Variants in PC observed in about 807,000 individuals in gnomAD.
The protein encoded by PC is pyruvate carboxylase.
In PC, 46 loss-of-function variants were observed where a neutral mutation model predicts 107.8. The observed-to-expected ratio is 0.43, with a 90% CI of 0.34 to 0.55. The LOEUF (loss-of-function observed/expected upper bound fraction) is 0.55, where lower values mean the gene tolerates loss of function less well. Among genes scored for constraint, PC ranks in the 20% least tolerant of loss-of-function variants. The pLI is 0.04. For synonymous variants in PC, 662 were observed against 684.7 expected, an observed-to-expected ratio of 0.97 and a Z score of 0.52; for missense variants, 1,241 against 1,643.1, an observed-to-expected ratio of 0.76 and a Z score of 4.23.
At chr11:66,860,123 T>TGG in intron 12 of PC, 1 of 1,550,512 alleles carries the variant, frequency 6.4e-7, no homozygotes, top group Non-Finnish European at 8.7e-7. Context: ...ACTCTGTGCA[T>TGG]GGGGGGCTGC....
At position 66,871,534 on chromosome 11, in the gene PC, C is replaced by G; in HGVS notation, c.322-54G>C. 1.2e-6 allele frequency: 2 copies of G among 1,607,496 alleles called. No individual in the cohort carries two copies. Among genetic ancestry groups the G allele is most frequent in the African/African-American group, 1.3e-5 (1 of 74,974 alleles). ...TACCTTGCAGTCCCTTCCAAGGCCT[C>G]GGCCAGCCTCTTCCCCTGCCTAACC... On this transcript the variant is annotated intron_variant, in intron 5 of 22. Transcript: ENST00000393960. The surrounding 1 kb of genome is among the most constrained non-coding windows in gnomAD (Gnocchi z 7.4).
At chr11:66,923,015 G>A (rs79351784) in intron 3 of PC, among the ~76,000 whole-genome samples, 20,166 of 152,188 alleles carry the variant, frequency 0.13, 1,506 homozygotes, top group East Asian at 0.23. Context: ...ATCTTGAGGC[G>A]TGCTGAGCAA....
chr11:66,860,082 C>T lies in PC; in HGVS notation c.1368+3692G>A, dbSNP rs752948456. The T allele has an allele frequency of 9.0e-6, 14 of 1,556,176 alleles. No individual in the cohort carries two copies. In the Admixed American group the frequency reaches 1.4e-4, roughly 15 times the overall value. On this transcript the variant is annotated intron_variant, in intron 12 of 22. Transcript: ENST00000393960. ...TGCCGGGTGCTACGGTTATGCCAGG[C>T]GCCTGGGAGGAGCTTGGGCCCGACG...
chr11:66,920,542 A>C (rs1948569248), intron 3 of PC, among the ~76,000 whole-genome samples: 1 of 152,052 alleles, frequency 6.6e-6, no homozygotes, highest in Admixed American at 6.5e-5. Flanking sequence ...ACCTGTTTGG[A>C]GCATCAGAGA....
intron 12 of PC, chr11:66,859,850 C>T (rs777373948): frequency 2.1e-5 from 33 of 1,565,746 alleles, no homozygotes; most frequent in South Asian, 1.1e-4. Context: ...TGACCGTGGC[C>T]GTGGGGGGTG....
At chr11:66,888,020 G>C (rs1947436038) in intron 3 of PC, among the ~76,000 whole-genome samples, 1 of 152,190 alleles carries the variant, frequency 6.6e-6, no homozygotes. Flanking sequence ...CCTCAGCATA[G>C]GTCTCTGTCC....
intron 3 of PC, among the ~76,000 whole-genome samples, chr11:66,910,446 T>A (rs1466129819): frequency 6.6e-6 from 1 of 152,218 alleles, no homozygotes; most frequent in African/African-American, 2.4e-5. Context: ...ATGACTTCTA[T>A]GGAGCAAGAC....
At chr11:66,938,685 G>T (rs1271032406) in intron 3 of PC, among the ~76,000 whole-genome samples, 1 of 152,012 alleles carries the variant, frequency 6.6e-6, no homozygotes, top group Non-Finnish European at 1.5e-5. Flanking sequence ...AACAAAAAAT[G>T]AGATATTATA....
chr11:66,905,319 C>T (rs959208501), intron 3 of PC, among the ~76,000 whole-genome samples: 3 of 152,198 alleles, frequency 2.0e-5, no homozygotes, highest in South Asian at 2.1e-4. Flanking sequence ...AGGGTGCCAA[C>T]GCCTGCTGTG....
chr11:66,950,276 T>C (rs1459804785), intron 3 of PC, among the ~76,000 whole-genome samples: 4 of 152,172 alleles, frequency 2.6e-5, no homozygotes, highest in Non-Finnish European at 4.4e-5. Context: ...CTCGTTGTGA[T>C]GTCATGGTGG....
chr11:66,871,782 G>A lies in PC; in HGVS notation c.226C>T (p.His76Tyr). ...IYSEQDTGQM[H>Y]RQKADEAYLI... ...TAGGCTTCATCTGCTTTCTGCCGGT[G>A]CATCTGGCCCGTGTCCTGCTCAGAG... Residue 76 changes from histidine to tyrosine, a missense_variant, in exon 5 of 23, where the codon CAC (histidine) becomes TAC (tyrosine). Transcript: ENST00000393960. The surrounding 1 kb of genome is among the most constrained non-coding windows in gnomAD (Gnocchi z 7.4). 6.2e-7 allele frequency: 1 copy of A among 1,604,590 alleles called. No individual in the cohort carries two copies. The highest frequency in any genetic ancestry group is 1.7e-4 in the Middle Eastern group (1 of 6,056).
rs974491018 is a variant in PC, at chr11:66,852,693, G to A, written c.1604-33C>T. On this transcript the variant is annotated intron_variant, in intron 14 of 22. Transcript: ENST00000393960. This position sits in a 1 kb window ranked among gnomAD's most constrained non-coding sequence, Gnocchi z 4.7. ...AGACAGGGGCATTGGTGCCCATCCT[G>A]CAGGTGGCAACCTCCTGTCTCCCCC... The A allele has an allele frequency of 1.2e-6, 2 of 1,610,582 alleles. No individual in the cohort carries two copies. The highest frequency in any genetic ancestry group is 1.7e-6 in the Non-Finnish European group (2 of 1,177,078).
At chr11:66,914,084 C>T (rs935459795) in intron 3 of PC, among the ~76,000 whole-genome samples, 1 of 152,292 alleles carries the variant, frequency 6.6e-6, no homozygotes, top group Non-Finnish European at 1.5e-5. Flanking sequence ...CTGGGCAATC[C>T]AAACACTTCG....
chr11:66,853,299 G>A lies in PC; in HGVS notation c.1453C>T (p.Pro485Ser). The A allele has an allele frequency of 1.2e-6, 2 of 1,614,112 alleles. No individual in the cohort carries two copies. The highest frequency in any genetic ancestry group is 1.7e-6 in the Non-Finnish European group (2 of 1,180,002). The change falls in exon 13 of 23, where the codon CCA (proline) becomes TCA (serine). Residue 485 changes from proline to serine, a missense_variant. Transcript: ENST00000393960. ...GCAGGCCGCAGCTGGAACAGCTCTG[G>A]GTTCTCGTCGATGAACTGGGTGTCC... Reference protein sequence around the residue: ...TVDTQFIDENPELFQLRPAQN... With the variant: ...TVDTQFIDENSELFQLRPAQN...
At chr11:66,904,139 G>C (rs1228134457) in intron 3 of PC, among the ~76,000 whole-genome samples, 2 of 152,218 alleles carry the variant, frequency 1.3e-5, no homozygotes, top group African/African-American at 2.4e-5. Flanking sequence ...CTTTTACACA[G>C]AGCATGGGGC....
At chr11:66,854,760 G>C (rs1372776393) in intron 12 of PC, among the ~76,000 whole-genome samples, 3 of 152,184 alleles carry the variant, frequency 2.0e-5, no homozygotes, top group Non-Finnish European at 4.4e-5. Context: ...TTACCTGGAG[G>C]CCTGGACAGG....
chr11:66,903,413 T>A (rs1948029500), intron 3 of PC, among the ~76,000 whole-genome samples: 1 of 152,026 alleles, frequency 6.6e-6, no homozygotes, highest in Admixed American at 6.6e-5. Flanking sequence ...GTTGAGCTCA[T>A]CCCTACGGAC....
chr11:66,853,125 G>A (rs1196436518), intron 13 of PC, 114 bp downstream of exon 13: 3 of 1,204,454 alleles, frequency 2.5e-6, no homozygotes, highest in African/African-American at 1.5e-5. Flanking sequence ...GCAGGGGTGA[G>A]GGGCAGGGGG....
intron 3 of PC, among the ~76,000 whole-genome samples, chr11:66,928,574 A>G (rs1178496816): frequency 6.6e-6 from 1 of 151,974 alleles, no homozygotes. Context: ...TGCCCAGGCT[A>G]AAGTGCAATG....
Sources: gnomAD v4.1 joint callset for allele counts (sites outside exome capture counted in the v4.1 genomes callset) on GRCh38, gnomAD v4.1.1 for gene constraint, Gnocchi (gnomAD v3.1) non-coding constraint, MANE v1.5 for transcripts, NCBI Gene and HGNC (gene_info 2026-07-23, HGNC 2026-07-21) for gene names.